Variants in SYT14 observed in about 807,000 individuals in gnomAD.
SYT14 encodes the protein synaptotagmin-14.
In SYT14, 32 loss-of-function variants were observed where a neutral mutation model predicts 74.2. That is an observed-to-expected ratio of 0.43 (90% CI 0.33 to 0.58). The LOEUF (loss-of-function observed/expected upper bound fraction) is 0.58. Ranked by LOEUF, SYT14 falls within the 20% of genes least tolerant of loss-of-function variation. The pLI, the probability that SYT14 is intolerant of heterozygous loss-of-function variation, is 0.05. For missense variants in SYT14, 791 were observed against 981.8 expected (o/e 0.81, Z 2.60); for synonymous variants, 298 against 337.7 (o/e 0.88, Z 1.29).
At chr1:209,957,696 GGATTACAGGCGTGAACCACCCT>G (rs1307925600) in intron 2 of SYT14, among the ~76,000 whole-genome samples, 61 of 152,076 alleles carry the variant, frequency 4.0e-4, no homozygotes, top group Admixed American at 3.4e-3. Flanking sequence ...CAAAGTGCTG[GGATTACAGGCGTGAACCACCCT>G]GCCCAGCCTG....
intron 5 of SYT14, among the ~76,000 whole-genome samples, chr1:210,054,809 A>C (rs1477026921): frequency 2.0e-5 from 3 of 152,268 alleles, no homozygotes; most frequent in Non-Finnish European, 2.9e-5. Context: ...GCACTCTTGG[A>C]ACTGAGTAAT....
chr1:210,121,645 T>C (rs191374122), intron 7 of SYT14, among the ~76,000 whole-genome samples: 29 of 151,910 alleles, frequency 1.9e-4, no homozygotes, highest in Admixed American at 4.6e-4. Context: ...ATACAAAAAA[T>C]TAGCCAGGCG....
intron 7 of SYT14, among the ~76,000 whole-genome samples, chr1:210,124,882 T>C (rs113217559): frequency 2.0e-5 from 3 of 152,018 alleles, no homozygotes; most frequent in African/African-American, 7.2e-5. Context: ...TTTTTTTTTT[T>C]CCTGTACTTC....
chr1:209,960,616 G>A (rs968552740), intron 2 of SYT14, among the ~76,000 whole-genome samples: 5 of 152,156 alleles, frequency 3.3e-5, no homozygotes, highest in Non-Finnish European at 5.9e-5. Context: ...TTGGCCACCT[G>A]TGGTTTTTTG....
At chr1:210,065,218 C>A (rs1345248838) in intron 5 of SYT14, among the ~76,000 whole-genome samples, 3 of 151,886 alleles carry the variant, frequency 2.0e-5, no homozygotes, top group Non-Finnish European at 4.4e-5. Flanking sequence ...TCGCTTTGTC[C>A]CCACCCAAAT....
chr1:210,080,389 G>A (rs1044806013), intron 5 of SYT14, among the ~76,000 whole-genome samples: 11 of 152,250 alleles, frequency 7.2e-5, no homozygotes, highest in Non-Finnish European at 7.4e-5. Context: ...TTTTCTAACA[G>A]CCTGGTATTT....
intron 5 of SYT14, among the ~76,000 whole-genome samples, chr1:210,085,154 G>A (rs904444709): frequency 6.6e-6 from 1 of 152,174 alleles, no homozygotes; most frequent in African/African-American, 2.4e-5. Flanking sequence ...GTTACCTGAT[G>A]CTATTATATG....
chr1:210,137,397 G>C (rs1342027963), intron 7 of SYT14, among the ~76,000 whole-genome samples: 1 of 152,148 alleles, frequency 6.6e-6, no homozygotes. Context: ...AATAATGAAA[G>C]TGAATATGAG....
chr1:210,079,934 CTT>C (rs931832784), intron 5 of SYT14, among the ~76,000 whole-genome samples: 25 of 152,074 alleles, frequency 1.6e-4, no homozygotes, highest in African/African-American at 6.0e-4. Flanking sequence ...TATCAAGAGT[CTT>C]TTAGTTTCAG....
intron 2 of SYT14, among the ~76,000 whole-genome samples, chr1:209,961,065 G>C (rs935120285): frequency 4.2e-4 from 64 of 152,250 alleles, no homozygotes; most frequent in African/African-American, 1.5e-3. Flanking sequence ...AATCCAGTTA[G>C]GTGTTTATAT....
At position 210,102,205 on chromosome 1, in the gene SYT14, A is replaced by G. The variant is rs540319316; in HGVS notation, c.2034+1744A>G. 1.2e-4 allele frequency among the ~76,000 whole-genome samples: 19 copies of G among 152,256 alleles called. No homozygotes were observed. The South Asian group carries it at 3.7e-3, about 30-fold the overall frequency. On this transcript the variant is annotated intron_variant, in intron 7 of 9. Coordinates refer to ENST00000637265, the Ensembl canonical transcript of SYT14. ...ACAGATTATTTCATCACCCAGGTAT[A>G]AAGCCCAGGACCTAATAGTTAATTT...
chr1:209,953,621 A>G (rs2078947102), intron 2 of SYT14, among the ~76,000 whole-genome samples: 1 of 152,180 alleles, frequency 6.6e-6, no homozygotes, highest in Non-Finnish European at 1.5e-5. Context: ...AAATATCAGC[A>G]TGTTTTCAGT....
At chr1:209,997,946 G>A (rs933100106) in intron 2 of SYT14, among the ~76,000 whole-genome samples, 3 of 152,046 alleles carry the variant, frequency 2.0e-5, no homozygotes, top group Non-Finnish European at 4.4e-5. Context: ...TATTCTTGAA[G>A]ATTTATAATG....
intron 5 of SYT14, among the ~76,000 whole-genome samples, chr1:210,032,342 A>G (rs1221917067): frequency 6.6e-6 from 1 of 151,914 alleles, no homozygotes; most frequent in East Asian, 1.9e-4. Context: ...CTCTTGTATT[A>G]CCTTTTTATC....
intron 1 of SYT14, among the ~76,000 whole-genome samples, chr1:209,945,196 G>A (rs534376090): frequency 1.4e-4 from 22 of 152,110 alleles, no homozygotes; most frequent in African/African-American, 4.3e-4. Context: ...CTGTCCTGAG[G>A]TTATTATTAC....
At chr1:210,154,499 G>C (rs1406345233) in intron 7 of SYT14, among the ~76,000 whole-genome samples, 1 of 152,180 alleles carries the variant, frequency 6.6e-6, no homozygotes, top group Admixed American at 6.5e-5. Flanking sequence ...TTTACTAGAA[G>C]AAACAACTTT....
chr1:210,149,555 A>T (rs1352865636), intron 7 of SYT14, among the ~76,000 whole-genome samples: 1 of 152,054 alleles, frequency 6.6e-6, no homozygotes, highest in East Asian at 1.9e-4. Flanking sequence ...ATATTTTGTT[A>T]TTATGGTTAT....
At chr1:210,080,855 C>T (rs779635244) in intron 5 of SYT14, among the ~76,000 whole-genome samples, 1 of 152,002 alleles carries the variant, frequency 6.6e-6, no homozygotes, top group Non-Finnish European at 1.5e-5. Context: ...TTGGGGAGAG[C>T]GTGGTTATGT....
intron 2 of SYT14, chr1:209,953,356 A>G (rs919816269): frequency 1.4e-6 from 1 of 732,136 alleles, no homozygotes; most frequent in African/African-American, 1.9e-5. Flanking sequence ...CCTTATAAGT[A>G]ATCACAAATC....
Sources: gnomAD v4.1 joint callset for allele counts (sites outside exome capture counted in the v4.1 genomes callset) on GRCh38, gnomAD v4.1.1 for gene constraint, MANE v1.5 for transcripts, NCBI Gene and HGNC (gene_info 2026-07-23, HGNC 2026-07-21) for gene names.